The following ADGRL3 variants were observed in gnomAD, a reference collection of about 807,000 sequenced individuals.
The protein encoded by ADGRL3 is calcium-independent alpha-latrotoxin receptor 3.
ADGRL3 carries 62 observed loss-of-function variants against 153.5 expected under a neutral mutation model. The observed-to-expected ratio is 0.40, with a 90% CI of 0.33 to 0.50. The LOEUF (loss-of-function observed/expected upper bound fraction) is 0.50, where lower values mean the gene tolerates loss of function less well. Ranked by LOEUF, ADGRL3 falls within the 20% of genes least tolerant of loss-of-function variation. The pLI is 0.47. For synonymous variants in ADGRL3, 710 were observed against 672.5 expected (o/e 1.06, Z -0.86); for missense variants, 1,641 against 1,859.4 (o/e 0.88, Z 2.16).
At chr4:61,695,451 A>G (rs1047859728) in intron 6 of ADGRL3, among the ~76,000 whole-genome samples, 1 of 152,198 alleles carries the variant, frequency 6.6e-6, no homozygotes, top group Non-Finnish European at 1.5e-5. Context: ...GCAGGTCTCC[A>G]CAGTGGGATT....
At chr4:61,507,226 T>G (rs544143731) in intron 3 of ADGRL3, among the ~76,000 whole-genome samples, 40 of 152,244 alleles carry the variant, frequency 2.6e-4, no homozygotes, top group Admixed American at 1.4e-3. Flanking sequence ...TGCATAAAAT[T>G]TAAAGCAACA....
chr4:61,663,384 T>A (rs1026039974), intron 5 of ADGRL3, among the ~76,000 whole-genome samples: 2 of 152,336 alleles, frequency 1.3e-5, no homozygotes, highest in South Asian at 4.1e-4. Context: ...AGAAGCTGTT[T>A]GTACTATGCC....
intron 5 of ADGRL3, among the ~76,000 whole-genome samples, chr4:61,616,337 C>T (rs924641926): frequency 6.6e-6 from 1 of 151,960 alleles, no homozygotes; most frequent in Non-Finnish European, 1.5e-5. Flanking sequence ...TAATTTAAAG[C>T]CATTAATATT....
chr4:61,297,094 C>G (rs2094435960), intron 1 of ADGRL3, among the ~76,000 whole-genome samples: 1 of 152,068 alleles, frequency 6.6e-6, no homozygotes, highest in African/African-American at 2.4e-5. Context: ...TTATTCCAGT[C>G]ATTATATGTT....
At chr4:61,473,546 G>T (rs1338424682) in intron 2 of ADGRL3, among the ~76,000 whole-genome samples, 2 of 151,928 alleles carry the variant, frequency 1.3e-5, no homozygotes, top group Non-Finnish European at 2.9e-5. Context: ...AAAAGTTATT[G>T]TGGCTCAGCT....
intron 5 of ADGRL3, among the ~76,000 whole-genome samples, chr4:61,595,843 G>A (rs950965272): frequency 2.0e-4 from 30 of 152,162 alleles, no homozygotes; most frequent in African/African-American, 6.8e-4. Flanking sequence ...CATGGGATGA[G>A]TGATTCCCCT....
chr4:61,369,230 C>T (rs1462924515), intron 1 of ADGRL3, among the ~76,000 whole-genome samples: 1 of 152,106 alleles, frequency 6.6e-6, no homozygotes, highest in Non-Finnish European at 1.5e-5. Flanking sequence ...TTTCTTTCTC[C>T]TGCCTAATTG....
chr4:62,022,625 G>T (rs2099243207), intron 21 of ADGRL3, among the ~76,000 whole-genome samples: 2 of 152,062 alleles, frequency 1.3e-5, no homozygotes, highest in Non-Finnish European at 2.9e-5. Flanking sequence ...ACTGGTGAAT[G>T]TAAGTTGAAG....
chr4:61,528,174 A>T (rs73822619), intron 4 of ADGRL3, among the ~76,000 whole-genome samples: 3,420 of 152,168 alleles, frequency 0.022, 117 homozygotes, highest in East Asian at 0.15. Flanking sequence ...AACTCATAGG[A>T]TTGTTGTGAG....
In ADGRL3 at chr4:61,813,745, A is replaced by G. The variant is rs1230945090; in HGVS notation, c.1400-64A>G. On this transcript the variant is annotated intron_variant, in intron 8 of 26. Transcript: ENST00000683033. ...AGTGAAATAGTGTTATATCATAAAA[A>G]CAATTTAAAAAGGGAAAAGACATAC... 1.6e-5 allele frequency: 26 copies of G among 1,585,030 alleles called. No individual in the cohort carries two copies. In the South Asian group the frequency reaches 2.2e-4, roughly 13 times the overall value.
At chr4:61,433,366 A>T (rs75453365) in intron 2 of ADGRL3, among the ~76,000 whole-genome samples, 25,329 of 101,290 alleles carry the variant, frequency 0.25, 2,246 homozygotes, top group Middle Eastern at 0.41. Context: ...CTTTTTTTTT[A>T]AAAAAAAATC....
intron 5 of ADGRL3, among the ~76,000 whole-genome samples, chr4:61,641,254 A>C (rs2150169042): frequency 7.6e-6 from 1 of 130,968 alleles, no homozygotes; most frequent in South Asian, 2.6e-4. Flanking sequence ...TGTAGTAAAT[A>C]AAAATAAATC....
intron 2 of ADGRL3, among the ~76,000 whole-genome samples, chr4:61,465,153 A>G (rs1184056320): frequency 2.0e-5 from 3 of 152,194 alleles, no homozygotes; most frequent in East Asian, 3.8e-4. Context: ...TAGTTAATGC[A>G]GCAGTTTAAA....
chr4:61,456,860 T>C (rs2097761688), intron 2 of ADGRL3, among the ~76,000 whole-genome samples: 1 of 152,038 alleles, frequency 6.6e-6, no homozygotes, highest in Non-Finnish European at 1.5e-5. Context: ...ATTTTTATTC[T>C]AAATTTCTTT....
chr4:61,245,519 G>A (rs1406783888), intron 1 of ADGRL3, among the ~76,000 whole-genome samples: 1 of 152,040 alleles, frequency 6.6e-6, no homozygotes, highest in Non-Finnish European at 1.5e-5. Context: ...CAACACAAGA[G>A]GCATTGTCAT....
chr4:61,589,547 G>GT (rs749920431), intron 5 of ADGRL3, among the ~76,000 whole-genome samples: 191 of 152,098 alleles, frequency 1.3e-3, no homozygotes, highest in Non-Finnish European at 1.1e-3. Context: ...TGGAAAACAT[G>GT]TTTTTTTAAA....
At chr4:61,437,609 C>T (rs752550424) in intron 2 of ADGRL3, among the ~76,000 whole-genome samples, 28 of 152,168 alleles carry the variant, frequency 1.8e-4, no homozygotes, top group Admixed American at 1.2e-3. Flanking sequence ...TTTCAAGCTG[C>T]GTACTGATCT....
At chr4:61,425,953 A>G (rs982497386) in intron 2 of ADGRL3, among the ~76,000 whole-genome samples, 1 of 152,120 alleles carries the variant, frequency 6.6e-6, no homozygotes, top group African/African-American at 2.4e-5. Context: ...CCCCATATCT[A>G]GTGAGAGGAG....
At chr4:61,560,222 C>T (rs575471130) in intron 4 of ADGRL3, among the ~76,000 whole-genome samples, 1 of 152,098 alleles carries the variant, frequency 6.6e-6, no homozygotes, top group South Asian at 2.1e-4. Flanking sequence ...GCTGAGTATG[C>T]CTTTATTGTT....
Sources: gnomAD v4.1 joint callset for allele counts (sites outside exome capture counted in the v4.1 genomes callset) on GRCh38, gnomAD v4.1.1 for gene constraint, MANE v1.5 for transcripts, NCBI Gene and HGNC (gene_info 2026-07-23, HGNC 2026-07-21) for gene names.